ADGRD2: variants seen among roughly 807,000 people sequenced by gnomAD.
The protein encoded by ADGRD2 is G protein-coupled receptor PGR24.
Under a neutral mutation model 44.4 loss-of-function variants are expected in ADGRD2, and 71 were observed. The observed-to-expected ratio is 1.60, with a 90% CI of 1.32 to 1.95. ADGRD2 has a LOEUF of 1.95. Ranked by LOEUF, ADGRD2 falls within the 30% of genes most tolerant of loss-of-function variation. ADGRD2 has a pLI of 0.00. For missense variants in ADGRD2, 1,039 were observed against 512.4 expected (o/e 2.03, Z -9.92); for synonymous variants, 481 against 224.8 (o/e 2.14, Z -10.19).
rs115716968 is a variant in ADGRD2 at position 124,467,661 on chromosome 9, A to G, written c.2027-60A>G. The G allele has an allele frequency of 5.8e-3, 4,089 of 708,852 alleles. 130 individuals are homozygous for G. In the African/African-American group the frequency reaches 0.064, roughly 11 times the overall value. The allele number at this position is 708,852 out of a possible 1,614,324, so 43.9% of individuals were successfully genotyped here. On this transcript the variant is annotated intron_variant, in intron 11 of 21. Transcript: ENST00000334810. ...GGCCTTAGAGTCACCAGGTGGGGCG[A>G]GTTCTGGCCTGGGTTGGGTCTGGGT...
chr9:124,471,254 C>T (rs1209115459), intron 17 of ADGRD2, among the ~76,000 whole-genome samples: 2 of 152,120 alleles, frequency 1.3e-5, no homozygotes, highest in Non-Finnish European at 2.9e-5. Flanking sequence ...TTTCCCTCGA[C>T]CTCCCTGGAC....
chr9:124,470,544 G>C (rs990813170), exon 17 of ADGRD2: 1 of 710,710 alleles, frequency 1.4e-6, no homozygotes, highest in Non-Finnish European at 2.6e-6. Context: ...GGCCTGACCT[G>C]GCTGGCAGGC....
intron 6 of ADGRD2, among the ~76,000 whole-genome samples, chr9:124,455,393 C>T (rs1011731745): frequency 6.6e-6 from 1 of 152,170 alleles, no homozygotes; most frequent in Non-Finnish European, 1.5e-5. Flanking sequence ...GAGTTCGAGA[C>T]TAGCCTGGCC....
chr9:124,453,751 C>T lies in ADGRD2; in HGVS notation c.923+75C>T, dbSNP rs907864243. On this transcript the variant is annotated intron_variant, in intron 3 of 21. Transcript: ENST00000334810. ...TTCCGACCCTGGAACTCGACCCACC[C>T]CTTGCCAACCAAGCCACGCCTAGCT... 9.3e-6 allele frequency: 6 copies of T among 646,726 alleles called. No homozygotes were observed. The Admixed American group carries it at 1.4e-4, about 15-fold the overall frequency. The allele number at this position is 646,726 out of a possible 1,614,324, so 40.1% of individuals were successfully genotyped here.
At chr9:124,467,566 A>C (rs999651505) in intron 11 of ADGRD2, among the ~76,000 whole-genome samples, 155 bp from the exon 15 acceptor site, 8 of 152,168 alleles carry the variant, frequency 5.3e-5, no homozygotes, top group Non-Finnish European at 1.0e-4. Flanking sequence ...CTGCTTATTA[A>C]ATGCCTACTG....
In ADGRD2 at chr9:124,454,715, A is replaced by G; in HGVS notation, c.1109-128A>G. On this transcript the variant is annotated intron_variant, in intron 5 of 21. Coordinates refer to ENST00000334810, the Ensembl canonical transcript of ADGRD2. The surrounding 1 kb of genome is among the most constrained non-coding windows in gnomAD (Gnocchi z 4.5). The stretch of plus-strand genomic sequence containing the variant: ...CAGGCTCCCTATTCTGTAGCCCCTG[A>G]GAGTTGGCGGCTTGTGACAAGTTTA... The G allele has an allele frequency of 4.8e-6, 3 of 619,240 alleles. No homozygotes were observed. In the South Asian group the frequency reaches 5.5e-5, roughly 11 times the overall value. The allele number at this position is 619,240 out of a possible 1,614,324, so 38.4% of individuals were successfully genotyped here.
chr9:124,470,476 C>T lies in ADGRD2; in HGVS notation c.2638-18C>T. On this transcript the variant is annotated intron_variant, in intron 16 of 21. Transcript: ENST00000334810. ...CCAGGCCTCCCAACCCCCGTCAGCC[C>T]TGCCTGCCCTCCTACAGGGCCACGG... The T allele has an allele frequency of 1.4e-6, 1 of 706,780 alleles. No individual in the cohort carries two copies. The highest frequency in any genetic ancestry group is 2.6e-6 in the Non-Finnish European group (1 of 382,894). The allele number at this position is 706,780 out of a possible 1,614,324, so 43.8% of individuals were successfully genotyped here. A position where few individuals can be genotyped will look rare whatever the true frequency, so the allele number is the denominator to read the frequency against.
In ADGRD2 at chr9:124,453,682, A is replaced by ACCCCCCCCCCCCC; in HGVS notation, c.923+9_923+10insCCCCCCCCCCCCC. ...GGTGCGCCTTCTCTGTCCCGGTACG[A>ACCCCCCCCCCCCC]CCCGCCCCGCCCCGGCCCCACCCCA... is the stretch of plus-strand genomic sequence containing the variant. On this transcript the variant is annotated splice_region_variant and intron_variant, in intron 3 of 21. Transcript: ENST00000334810. The ACCCCCCCCCCCCC allele has an allele frequency of 7.2e-6, 5 of 690,452 alleles. No homozygotes were observed. The highest frequency in any genetic ancestry group is 3.0e-5 in the South Asian group (2 of 66,540). The allele number at this position is 690,452 out of a possible 1,614,324, so 42.8% of individuals were successfully genotyped here. A position where few individuals can be genotyped will look rare whatever the true frequency, so the allele number is the denominator to read the frequency against.
In ADGRD2 at chr9:124,470,626, C is replaced by T. The variant is rs897858372; in HGVS notation, c.2758+12C>T. On this transcript the variant is annotated intron_variant, in intron 17 of 21. Coordinates refer to ENST00000334810, the Ensembl canonical transcript of ADGRD2. ...TCAACTCCATCCAGGTACCTCCAGC[C>T]CCAACCTTCTGGGACTAGGCCCTGA... The T allele has an allele frequency of 4.3e-6, 3 of 701,060 alleles. No individual in the cohort carries two copies. Among genetic ancestry groups the T allele is most frequent in the Non-Finnish European group, 7.9e-6 (3 of 381,146 alleles). 43.4% of individuals were successfully genotyped at this position (701,060 alleles called of 1,614,324 possible).
At chr9:124,470,548 G>A in exon 17 of ADGRD2, 1 of 710,728 alleles carries the variant, frequency 1.4e-6, no homozygotes. Flanking sequence ...TGACCTGGCT[G>A]GCAGGCATCC....
chr9:124,454,471 C>T lies in ADGRD2; in HGVS notation c.1023-13C>T. 1 of 706,448 alleles carries T rather than the reference C, an allele frequency of 1.4e-6. No individual in the cohort carries two copies. 43.8% of individuals were successfully genotyped at this position (706,448 alleles called of 1,614,324 possible). ...ATTGCCCGGGGCCTAGCCTGGCATCCACTCCTTTGCAGAGCCCTATCGTCG... is the reference window on the plus strand; with the variant it reads ...ATTGCCCGGGGCCTAGCCTGGCATCTACTCCTTTGCAGAGCCCTATCGTCG... On this transcript the variant is annotated splice_polypyrimidine_tract_variant and intron_variant, in intron 4 of 21. Coordinates refer to ENST00000334810, the Ensembl canonical transcript of ADGRD2. The surrounding 1 kb of genome is among the most constrained non-coding windows in gnomAD (Gnocchi z 4.5).
intron 7 of ADGRD2, among the ~76,000 whole-genome samples, chr9:124,456,989 C>G (rs117089306): frequency 7.9e-5 from 12 of 152,206 alleles, no homozygotes; most frequent in African/African-American, 2.9e-4. Context: ...AGAGACAGTT[C>G]CTCCCGCCTC....
chr9:124,463,918 G>C (rs1831765206), intron 10 of ADGRD2, among the ~76,000 whole-genome samples: 1 of 152,010 alleles, frequency 6.6e-6, no homozygotes. Context: ...GCTCACTGCG[G>C]CCTCGACCTC....
chr9:124,461,460 T>A (rs1277685891), intron 10 of ADGRD2, among the ~76,000 whole-genome samples: 4 of 152,248 alleles, frequency 2.6e-5, no homozygotes, highest in African/African-American at 9.6e-5. Flanking sequence ...TTCTATATAT[T>A]ATGAAGGTAA....
intron 7 of ADGRD2, 23 bp downstream of exon 10, chr9:124,456,756 A>C (rs1588601083): frequency 1.4e-6 from 1 of 704,780 alleles, no homozygotes; most frequent in Non-Finnish European, 2.6e-6. Context: ...CCACCTGCCC[A>C]CACGGCTGGA....
intron 7 of ADGRD2, among the ~76,000 whole-genome samples, chr9:124,457,254 C>T (rs1831636506): frequency 6.6e-6 from 1 of 152,212 alleles, no homozygotes; most frequent in Non-Finnish European, 1.5e-5. Context: ...ATATTCAGGT[C>T]CTGCCTCGCG....
rs1245941006 is a variant in ADGRD2 at position 124,457,591 on chromosome 9, C to T, written c.1627C>T (p.Arg543Ter). The change falls in exon 8 of 22, where the codon CGA (arginine) becomes TGA (stop). Residue 543 changes from arginine to a stop codon, truncating the protein, a stop_gained. Coordinates refer to ENST00000334810, the Ensembl canonical transcript of ADGRD2. LOFTEE classifies it high-confidence loss of function. ...CCACATTCCTGCGAGTGAAGTGAGG[C>T]GACTCCTCAGGAAAGGTGGGTGAGG... 8 of 660,534 alleles carry T rather than the reference C, an allele frequency of 1.2e-5. No homozygotes were observed. The highest frequency in any genetic ancestry group is 4.5e-5 in the Admixed American group (2 of 44,894). The allele number at this position is 660,534 out of a possible 1,614,324, so 40.9% of individuals were successfully genotyped here. A position where few individuals can be genotyped will look rare whatever the true frequency, so the allele number is the denominator to read the frequency against.
chr9:124,471,146 G>A (rs1012152496), intron 17 of ADGRD2, among the ~76,000 whole-genome samples: 12 of 152,140 alleles, frequency 7.9e-5, no homozygotes, highest in African/African-American at 2.4e-4. Flanking sequence ...GGTCCCTCTC[G>A]GGGGATTGGC....
chr9:124,466,225 G>T, intron 10 of ADGRD2, 33 bp from the exon 14 acceptor site: 1 of 562,260 alleles, frequency 1.8e-6, no homozygotes. Flanking sequence ...GCTTGCTTCT[G>T]GCCCCTCACC....
Sources: gnomAD v4.1 joint callset for allele counts (sites outside exome capture counted in the v4.1 genomes callset) on GRCh38, gnomAD v4.1.1 for gene constraint, Gnocchi (gnomAD v3.1) non-coding constraint, MANE v1.5 for transcripts, NCBI Gene and HGNC (gene_info 2026-07-23, HGNC 2026-07-21) for gene names.